Variants in STK3 observed in about 807,000 individuals in gnomAD.
STK3 encodes serine/threonine-protein kinase 3.
A neutral mutation model predicts 58.0 loss-of-function variants in STK3; 41 were observed. The observed-to-expected ratio is 0.71, with a 90% CI of 0.55 to 0.92. STK3 has a LOEUF of 0.92. Among genes scored for constraint, STK3 ranks in the 40% least tolerant of loss-of-function variants. The pLI is 0.00. For missense variants in STK3, 479 were observed against 602.7 expected (o/e 0.79, Z 2.15); for synonymous variants, 170 against 191.0 (o/e 0.89, Z 0.91).
At chr8:98,537,485 T>C (rs1385374753) in intron 9 of STK3, among the ~76,000 whole-genome samples, 1 of 152,088 alleles carries the variant, frequency 6.6e-6, no homozygotes, top group East Asian at 1.9e-4. Flanking sequence ...GTTTCTGACT[T>C]ACAATTTATT....
At chr8:98,557,347 T>C (rs746191574) in intron 8 of STK3, among the ~76,000 whole-genome samples, 4 of 152,108 alleles carry the variant, frequency 2.6e-5, no homozygotes, top group Non-Finnish European at 5.9e-5. Context: ...CTCTTTCCTA[T>C]AGCAAGGTGA....
At chr8:98,803,456 T>C (rs1833699600) in intron 1 of STK3, among the ~76,000 whole-genome samples, 1 of 151,808 alleles carries the variant, frequency 6.6e-6, no homozygotes, top group African/African-American at 2.4e-5. Context: ...TAGCCGGGCA[T>C]GGTAGGGGAC....
intron 3 of STK3, among the ~76,000 whole-genome samples, chr8:98,407,770 G>GCA (rs1438028001): frequency 1.3e-4 from 20 of 150,512 alleles, no homozygotes; most frequent in South Asian, 1.3e-3. Context: ...GCGCGCGCGC[G>GCA]CATGCATGGT....
rs16896990 is a variant in STK3 at position 98,419,025 on chromosome 8, G to A, written n.483+15102C>T. On this transcript the variant is annotated intron_variant and non_coding_transcript_variant, in intron 3 of 3. Coordinates refer to the STK3 transcript ENST00000517832. ...GCATCCTGCCACCAACGGCATGTAT[G>A]TCCTGGCTCTGTAGCTTCCAAGTCT... Among the ~76,000 whole-genome samples, 1,331 of 152,322 alleles carry A rather than the reference G, an allele frequency of 8.7e-3. 21 individuals are homozygous for A. The highest frequency in any genetic ancestry group is 0.031 in the African/African-American group (1,273 of 41,550).
chr8:98,579,934 A>G (rs1813727914), intron 7 of STK3, 145 bp from the exon 8 acceptor site: 3 of 780,066 alleles, frequency 3.8e-6, no homozygotes, highest in Non-Finnish European at 5.5e-6. Flanking sequence ...ATAGGTTAAG[A>G]AAAGAGAGTA....
At chr8:98,694,448 C>T (rs1344716244) in intron 6 of STK3, among the ~76,000 whole-genome samples, 1 of 152,056 alleles carries the variant, frequency 6.6e-6, no homozygotes, top group African/African-American at 2.4e-5. Flanking sequence ...GTGCTGCACC[C>T]ATTAACTCGT....
At chr8:98,456,229 G>A (rs1200784630) in intron 10 of STK3, among the ~76,000 whole-genome samples, 2 of 152,152 alleles carry the variant, frequency 1.3e-5, no homozygotes. Flanking sequence ...GAAGCAATCC[G>A]ATCCTCTGCC....
intron 3 of STK3, among the ~76,000 whole-genome samples, chr8:98,851,393 CAG>C (rs1836463466): frequency 6.6e-6 from 1 of 152,162 alleles, no homozygotes. Context: ...GTTGAAAAGA[CAG>C]AGGTTGCAGA....
intron 1 of STK3, among the ~76,000 whole-genome samples, chr8:98,815,950 A>G (rs901765771): frequency 6.6e-5 from 10 of 152,212 alleles, no homozygotes; most frequent in Non-Finnish European, 2.9e-5. Flanking sequence ...ACAATTAGAC[A>G]TTATGATATT....
intron 1 of STK3, among the ~76,000 whole-genome samples, chr8:98,898,889 C>T (rs1049477389): frequency 4.6e-5 from 7 of 152,140 alleles, no homozygotes; most frequent in South Asian, 2.1e-4. Flanking sequence ...CTGCCTGGTA[C>T]GTGCTCGGCC....
At chr8:98,893,486 G>GAAAGAGAA (rs776247646) in intron 1 of STK3, among the ~76,000 whole-genome samples, 78 of 42,886 alleles carry the variant, frequency 1.8e-3, no homozygotes, top group Non-Finnish European at 1.9e-3. Flanking sequence ...AAGAAAGAAA[G>GAAAGAGAA]AGAAAGAAAG....
intron 6 of STK3, among the ~76,000 whole-genome samples, chr8:98,614,584 G>A (rs1033276673): frequency 5.3e-5 from 8 of 152,024 alleles, no homozygotes; most frequent in African/African-American, 1.5e-4. Flanking sequence ...GACAGTGGGC[G>A]CAGGCCAGTG....
At chr8:98,718,787 GTTAT>G (rs1020071237) in intron 4 of STK3, among the ~76,000 whole-genome samples, 3 of 151,692 alleles carry the variant, frequency 2.0e-5, no homozygotes, top group African/African-American at 7.3e-5. Context: ...ATATAATATT[GTTAT>G]TTATTAATAT....
chr8:98,847,807 TC>T (rs1836269306), intron 3 of STK3, among the ~76,000 whole-genome samples: 1 of 152,166 alleles, frequency 6.6e-6, no homozygotes. Context: ...CTTCTGCAAT[TC>T]CCACCTGCCT....
rs547792319 is a variant in STK3 at position 98,790,632 on chromosome 8, C to T, written c.27-15813G>A. 2.2e-4 allele frequency among the ~76,000 whole-genome samples: 33 copies of T among 152,328 alleles called. No homozygotes were observed. In the South Asian group the frequency reaches 6.6e-3, roughly 31 times the overall value. ...AAGACAAGGATGCCCACTCTCACCA[C>T]TCCTCTTCAACATAGTACTGGAAGT... On this transcript the variant is annotated intron_variant, in intron 1 of 10. Transcript: ENST00000419617.
chr8:98,897,578 G>A (rs903271279), intron 1 of STK3, among the ~76,000 whole-genome samples: 2 of 152,068 alleles, frequency 1.3e-5, no homozygotes, highest in South Asian at 2.1e-4. Context: ...CTGGGTGACA[G>A]AGCAAGACTC....
At chr8:98,510,468 T>A (rs964663088) in intron 10 of STK3, among the ~76,000 whole-genome samples, 6 of 151,810 alleles carry the variant, frequency 4.0e-5, no homozygotes, top group East Asian at 1.9e-4. Context: ...GGTTTTTTTT[T>A]AAAACTGTAA....
intron 6 of STK3, among the ~76,000 whole-genome samples, chr8:98,699,024 T>C (rs979167800): frequency 7.2e-5 from 11 of 152,266 alleles, no homozygotes; most frequent in Non-Finnish European, 1.3e-4. Flanking sequence ...TCTGGTCTTT[T>C]CACATAGTCC....
At chr8:98,708,381 C>T (rs924472947) in intron 4 of STK3, among the ~76,000 whole-genome samples, 1 of 152,094 alleles carries the variant, frequency 6.6e-6, no homozygotes, top group Non-Finnish European at 1.5e-5. Flanking sequence ...GGGAGGCTTG[C>T]AATGAATCTT....
Sources: allele counts gnomAD v4.1 joint callset (sites outside exome capture counted in the v4.1 genomes callset), GRCh38; gene constraint gnomAD v4.1.1; transcripts MANE v1.5; gene names NCBI Gene and HGNC (gene_info 2026-07-23, HGNC 2026-07-21).